The following TTC28 variants were observed in gnomAD, a reference collection of about 807,000 sequenced individuals.
TTC28 encodes tetratricopeptide repeat protein 28.
Under a neutral mutation model 198.0 loss-of-function variants are expected in TTC28, and 61 were observed. That is an observed-to-expected ratio of 0.31 (90% confidence interval 0.25 to 0.38). The LOEUF is 0.38. TTC28 is among the 10% of genes least tolerant of loss of function. The pLI, the probability that TTC28 is intolerant of heterozygous loss-of-function variation, is 1.00. For missense variants in TTC28, 2,678 were observed against 3,164.0 expected (o/e 0.85, Z 3.69); for synonymous variants, 1,171 against 1,297.8 (o/e 0.90, Z 2.10).
intron 2 of TTC28, among the ~76,000 whole-genome samples, chr22:28,318,676 A>C (rs577110263): frequency 6.6e-6 from 1 of 152,158 alleles, no homozygotes; most frequent in Non-Finnish European, 1.5e-5. Context: ...TTGTATTTTT[A>C]TACTAGTAAG....
rs2146394994 is a variant in TTC28, at chr22:28,511,489, C to A, written c.381+118063G>T. Among the ~76,000 whole-genome samples the A allele has an allele frequency of 1.3e-5, 2 of 152,246 alleles. 1 individual carries two copies. The highest frequency in any genetic ancestry group is 6.8e-3 in the Middle Eastern group (2 of 294). On this transcript the variant is annotated intron_variant, in intron 2 of 22. Transcript: ENST00000397906. Reference sequence around the variant, plus strand: ...ATTAAAACTGGACCCCTTCCTTACACCATATACAAAAATCAACTCAAGATG... The same window carrying A: ...ATTAAAACTGGACCCCTTCCTTACAACATATACAAAAATCAACTCAAGATG...
intron 5 of TTC28, among the ~76,000 whole-genome samples, chr22:28,191,443 C>G (rs1052743755): frequency 6.6e-6 from 1 of 152,172 alleles, no homozygotes; most frequent in Admixed American, 6.5e-5. Flanking sequence ...ACAGTGGGTG[C>G]AGGTCAGTGG....
chr22:28,494,982 A>T (rs1209824692), intron 2 of TTC28, among the ~76,000 whole-genome samples: 1 of 152,112 alleles, frequency 6.6e-6, no homozygotes, highest in Admixed American at 6.5e-5. Flanking sequence ...GGAATAAAAA[A>T]AACTAACCAG....
At chr22:28,051,905 TCTGATTTTGCAGCCAG>T (rs1940101859) in intron 12 of TTC28, among the ~76,000 whole-genome samples, 1 of 152,122 alleles carries the variant, frequency 6.6e-6, no homozygotes, top group African/African-American at 2.4e-5. Context: ...GGTGGGCACT[TCTGATTTTGCAGCCAG>T]CCAGCAGGGG....
chr22:28,324,104 A>C (rs2045488262), intron 2 of TTC28, among the ~76,000 whole-genome samples: 1 of 152,180 alleles, frequency 6.6e-6, no homozygotes, highest in South Asian at 2.1e-4. Flanking sequence ...CTATTCTAAA[A>C]GAAATGCTAA....
intron 2 of TTC28, among the ~76,000 whole-genome samples, chr22:28,420,859 C>T (rs1038653799): frequency 2.0e-5 from 3 of 152,210 alleles, no homozygotes; most frequent in African/African-American, 7.2e-5. Flanking sequence ...CCTTGGCCTC[C>T]AAAAGTGCTG....
chr22:27,990,206 T>C, intron 20 of TTC28, 199 bp from the exon 21 acceptor site: 1 of 683,842 alleles, frequency 1.5e-6, no homozygotes, highest in Non-Finnish European at 2.2e-6. Context: ...CATGGGGCAT[T>C]GGGGCAAGAG....
At chr22:28,040,419 A>C (rs1939577121) in intron 12 of TTC28, among the ~76,000 whole-genome samples, 1 of 152,236 alleles carries the variant, frequency 6.6e-6, no homozygotes, top group Non-Finnish European at 1.5e-5. Flanking sequence ...CCTGGGATGC[A>C]GGGCTGGTTC....
chr22:28,645,831 C>T (rs939605715), intron 1 of TTC28, among the ~76,000 whole-genome samples: 1 of 152,050 alleles, frequency 6.6e-6, no homozygotes, highest in Non-Finnish European at 1.5e-5. Context: ...AATGTGATCT[C>T]GGCTCACTGC....
At chr22:28,168,416 A>G (rs367707123) in intron 5 of TTC28, among the ~76,000 whole-genome samples, 1 of 152,226 alleles carries the variant, frequency 6.6e-6, no homozygotes, top group African/African-American at 2.4e-5. Flanking sequence ...ACCTGACTTC[A>G]AACTATACTA....
intron 14 of TTC28, among the ~76,000 whole-genome samples, chr22:28,003,306 C>T (rs931092750): frequency 2.0e-5 from 3 of 152,170 alleles, no homozygotes; most frequent in African/African-American, 7.2e-5. Flanking sequence ...ACAGCTGATG[C>T]TGCCCTGACC....
intron 2 of TTC28, among the ~76,000 whole-genome samples, chr22:28,330,979 G>T (rs1252675125): frequency 6.6e-6 from 1 of 152,076 alleles, no homozygotes; most frequent in Non-Finnish European, 1.5e-5. Context: ...AAATTATGCT[G>T]TAAAGATTGG....
intron 2 of TTC28, among the ~76,000 whole-genome samples, chr22:28,382,790 T>C (rs1246478996): frequency 3.3e-4 from 50 of 152,180 alleles, no homozygotes; most frequent in Admixed American, 3.3e-3. Context: ...TTTACAATTA[T>C]AAAGGGGCAA....
chr22:28,161,863 G>GAGGAAGGA (rs1170600829), intron 6 of TTC28, among the ~76,000 whole-genome samples: 1 of 107,932 alleles, frequency 9.3e-6, no homozygotes, highest in Non-Finnish European at 1.8e-5. Context: ...AAGGAAGAAA[G>GAGGAAGGA]AGGAAGGAAG....
rs143663452 is a variant in TTC28 at position 28,502,264 on chromosome 22, T to A, written c.381+127288A>T. ...AGGCTTGAAGCTTGGAAAATGTTCA[T>A]GAACTGATTTCAATATCACTAGATA... On this transcript the variant is annotated intron_variant, in intron 2 of 22. Coordinates refer to ENST00000397906, the MANE Select transcript of TTC28 (RefSeq NM_001145418.2). Among the ~76,000 whole-genome samples the A allele has an allele frequency of 3.9e-5, 6 of 152,276 alleles. No homozygotes were observed. In the East Asian group the frequency reaches 5.8e-4, roughly 15 times the overall value.
intron 5 of TTC28, among the ~76,000 whole-genome samples, chr22:28,235,941 G>A (rs1929212268): frequency 6.6e-6 from 1 of 152,336 alleles, no homozygotes; most frequent in Middle Eastern, 3.4e-3. Context: ...CTTGGGAGGT[G>A]GAAGTGAAAT....
chr22:28,386,222 C>T (rs964448727), intron 2 of TTC28, among the ~76,000 whole-genome samples: 1 of 127,388 alleles, frequency 7.9e-6, no homozygotes, highest in Non-Finnish European at 1.6e-5. Context: ...TTGCAGTGAG[C>T]CGAGATCCCG....
chr22:28,399,760 A>G (rs2046875231), intron 2 of TTC28, among the ~76,000 whole-genome samples: 1 of 152,162 alleles, frequency 6.6e-6, no homozygotes, highest in South Asian at 2.1e-4. Flanking sequence ...TTATTGGTCC[A>G]TATATTATCC....
At chr22:28,426,229 A>G (rs1332357485) in intron 2 of TTC28, among the ~76,000 whole-genome samples, 1 of 151,428 alleles carries the variant, frequency 6.6e-6, no homozygotes, top group Non-Finnish European at 1.5e-5. Context: ...AAAAAAAAAA[A>G]AAGAAAGAAA....
Sources: gnomAD v4.1 joint callset for allele counts (sites outside exome capture counted in the v4.1 genomes callset) on GRCh38, gnomAD v4.1.1 for gene constraint, MANE v1.5 for transcripts, NCBI Gene and HGNC (gene_info 2026-07-23, HGNC 2026-07-21) for gene names.